Variants in SOX5 observed in about 807,000 individuals in gnomAD.
SOX5 encodes the protein SRY-box transcription factor 5, also known as transcription factor SOX-5.
A neutral mutation model predicts 92.0 loss-of-function variants in SOX5; 9 were observed. The ratio of observed to expected loss-of-function variants is 0.10; its 90% CI spans 0.06 to 0.17. The LOEUF (loss-of-function observed/expected upper bound fraction) is 0.17, where lower values mean the gene tolerates loss of function less well. Among genes scored for constraint, SOX5 ranks in the 10% least tolerant of loss-of-function variants. The pLI is 1.00. For synonymous variants in SOX5, 344 were observed against 336.3 expected (o/e 1.02, Z -0.25); for missense variants, 642 against 944.5 (o/e 0.68, Z 4.20).
chr12:24,002,579 T>TTA (rs1951717556), intron 4 of SOX5, among the ~76,000 whole-genome samples: 1 of 151,834 alleles, frequency 6.6e-6, no homozygotes, highest in African/African-American at 2.4e-5. Flanking sequence ...GTAATTTTCT[T>TTA]ACACATTATA....
At chr12:23,728,410 T>C (rs942156821) in intron 6 of SOX5, among the ~76,000 whole-genome samples, 11 of 152,314 alleles carry the variant, frequency 7.2e-5, no homozygotes, top group African/African-American at 2.6e-4. Flanking sequence ...AATCTCTTTG[T>C]GCTCTTGTAT....
intron 4 of SOX5, among the ~76,000 whole-genome samples, chr12:24,025,031 A>G (rs893881230): frequency 2.0e-5 from 3 of 152,064 alleles, no homozygotes; most frequent in Non-Finnish European, 4.4e-5. Flanking sequence ...TCTTTTACTA[A>G]ATTTTAAACT....
chr12:24,197,980 GGATAATAGT>G (rs1448579910), intron 4 of SOX5, among the ~76,000 whole-genome samples: 1 of 152,090 alleles, frequency 6.6e-6, no homozygotes, highest in African/African-American at 2.4e-5. Context: ...TGTAAAATGA[GGATAATAGT>G]GATACCCATC....
intron 2 of SOX5, among the ~76,000 whole-genome samples, chr12:24,283,340 A>G (rs1002559927): frequency 2.3e-4 from 35 of 152,206 alleles, no homozygotes; most frequent in African/African-American, 8.4e-4. Flanking sequence ...ATTGATCCTA[A>G]AAGTCAAACT....
chr12:23,537,460 C>T (rs1940798241), intron 13 of SOX5, among the ~76,000 whole-genome samples: 1 of 152,162 alleles, frequency 6.6e-6, no homozygotes, highest in African/African-American at 2.4e-5. Context: ...AATGTATGCC[C>T]TTTCCTACAT....
At chr12:24,531,996 C>A (rs1951236285) in intron 1 of SOX5, among the ~76,000 whole-genome samples, 1 of 151,996 alleles carries the variant, frequency 6.6e-6, no homozygotes, top group Non-Finnish European at 1.5e-5. Flanking sequence ...TTTAAATTGA[C>A]AATAAAAGTT....
chr12:23,590,903 C>T (rs888212763), intron 9 of SOX5, among the ~76,000 whole-genome samples: 1 of 151,952 alleles, frequency 6.6e-6, no homozygotes, highest in African/African-American at 2.4e-5. Context: ...GTCTCTTTCC[C>T]AAGGAAAACA....
intron 1 of SOX5, among the ~76,000 whole-genome samples, chr12:24,493,905 T>C (rs1947350156): frequency 6.6e-6 from 1 of 151,894 alleles, no homozygotes; most frequent in Admixed American, 6.6e-5. Context: ...GTCAGTATAG[T>C]GTTTATAAAA....
At chr12:24,301,853 A>T (rs931062308) in intron 2 of SOX5, among the ~76,000 whole-genome samples, 1 of 152,212 alleles carries the variant, frequency 6.6e-6, no homozygotes, top group Non-Finnish European at 1.5e-5. Flanking sequence ...ATTTTAACAC[A>T]CTAAGAATAT....
chr12:23,865,321 A>G (rs985567147), intron 2 of SOX5, among the ~76,000 whole-genome samples: 3 of 152,210 alleles, frequency 2.0e-5, no homozygotes, highest in African/African-American at 7.2e-5. Context: ...TTAACACAAT[A>G]TCCATTCTGC....
chr12:23,918,697 G>A (rs868083985), intron 1 of SOX5, among the ~76,000 whole-genome samples: 25 of 151,850 alleles, frequency 1.6e-4, no homozygotes, highest in South Asian at 8.3e-4. Flanking sequence ...AGGCCCAGGT[G>A]GAGGGATCAC....
chr12:23,864,507 G>A (rs888238412), intron 2 of SOX5, among the ~76,000 whole-genome samples: 4 of 152,106 alleles, frequency 2.6e-5, no homozygotes, highest in East Asian at 1.9e-4. Flanking sequence ...AAAGGTTCTC[G>A]AAGGAAATAA....
At chr12:24,423,129 T>C (rs907716057) in intron 1 of SOX5, among the ~76,000 whole-genome samples, 1 of 152,222 alleles carries the variant, frequency 6.6e-6, no homozygotes, top group Non-Finnish European at 1.5e-5. Context: ...CTCCTATAAA[T>C]AGAAGTATAT....
intron 1 of SOX5, among the ~76,000 whole-genome samples, chr12:24,372,086 C>A (rs1006187440): frequency 1.3e-5 from 2 of 152,098 alleles, no homozygotes; most frequent in African/African-American, 4.8e-5. Context: ...TTCCTTCCAA[C>A]TTTTCTTAGG....
chr12:23,538,842 C>A (rs373080592), intron 13 of SOX5, among the ~76,000 whole-genome samples: 1 of 140,046 alleles, frequency 7.1e-6, no homozygotes, highest in Non-Finnish European at 1.5e-5. Context: ...GCTCTTTCGC[C>A]CAGGCTGGAA....
At chr12:23,842,950 T>C (rs1253277067) in intron 3 of SOX5, among the ~76,000 whole-genome samples, 5 of 152,146 alleles carry the variant, frequency 3.3e-5, no homozygotes, top group Admixed American at 1.3e-4. Context: ...GTGGAGAAAC[T>C]TGCAAAACAC....
intron 9 of SOX5, among the ~76,000 whole-genome samples, chr12:23,589,589 G>T (rs1028185208): frequency 6.6e-6 from 1 of 151,870 alleles, no homozygotes; most frequent in African/African-American, 2.4e-5. Flanking sequence ...GCACAGTAAG[G>T]GCTGGGAAGT....
chr12:24,032,904 T>A (rs188030751), intron 4 of SOX5, among the ~76,000 whole-genome samples: 22 of 152,062 alleles, frequency 1.4e-4, no homozygotes, highest in Admixed American at 1.3e-3. Flanking sequence ...GTTATATATT[T>A]CACACTTTGT....
chr12:24,189,451 T>C (rs537416214), intron 4 of SOX5, among the ~76,000 whole-genome samples: 1 of 152,336 alleles, frequency 6.6e-6, no homozygotes, highest in Non-Finnish European at 1.5e-5. Context: ...TCAACTCTAA[T>C]ACTGCATCAA....
Sources: gnomAD v4.1 joint callset for allele counts (sites outside exome capture counted in the v4.1 genomes callset) on GRCh38, gnomAD v4.1.1 for gene constraint, MANE v1.5 for transcripts, NCBI Gene and HGNC (gene_info 2026-07-23, HGNC 2026-07-21) for gene names.